The following TPST2 variants were observed in gnomAD, a reference collection of about 807,000 sequenced individuals.
The protein encoded by TPST2 is protein-tyrosine sulfotransferase 2.
In TPST2, 16 loss-of-function variants were observed where a neutral mutation model predicts 27.8. The ratio of observed to expected loss-of-function variants is 0.58; its 90% CI spans 0.39 to 0.88. The LOEUF (loss-of-function observed/expected upper bound fraction) is 0.88, where lower values mean the gene tolerates loss of function less well. Ranked by LOEUF, TPST2 falls within the 40% of genes least tolerant of loss-of-function variation. The pLI is 0.00. For missense variants in TPST2, 464 were observed against 543.1 expected (o/e 0.85, Z 1.45); for synonymous variants, 229 against 231.7 (o/e 0.99, Z 0.10).
rs559498487 is a variant in TPST2, at chr22:26,536,542, G to C, written c.843-56C>G. The C allele has an allele frequency of 9.5e-5, 133 of 1,397,782 alleles. 2 individuals carry two copies. In the South Asian group the frequency reaches 2.2e-3, roughly 23 times the overall value. The allele number at this position is 1,397,782 out of a possible 1,614,324, so 86.6% of individuals were successfully genotyped here. Reference sequence around the variant, plus strand: ...GGGCAGACCCAGATGGCGCCTGAGCGGATTCCCTGCTCAGCCACTCTGGGG... The same window carrying C: ...GGGCAGACCCAGATGGCGCCTGAGCCGATTCCCTGCTCAGCCACTCTGGGG... On this transcript the variant is annotated intron_variant, in intron 3 of 6. Transcript: ENST00000338754.
intron 5 of TPST2, 86 bp from the exon 6 acceptor site, chr22:26,528,348 G>T: frequency 7.0e-7 from 1 of 1,431,034 alleles, no homozygotes; most frequent in Non-Finnish European, 9.6e-7. Flanking sequence ...CAGCATCACT[G>T]AGTCATGCAC....
At chr22:26,573,246 G>T (rs953512730) in intron 1 of TPST2, among the ~76,000 whole-genome samples, 1 of 152,100 alleles carries the variant, frequency 6.6e-6, no homozygotes, top group Non-Finnish European at 1.5e-5. Flanking sequence ...GTCCAGGCTG[G>T]TCTCAAACTC....
At chr22:26,586,765 C>G (rs983507702) in intron 1 of TPST2, among the ~76,000 whole-genome samples, 1 of 152,192 alleles carries the variant, frequency 6.6e-6, no homozygotes, top group African/African-American at 2.4e-5. Context: ...CAGCAGAGTA[C>G]AGGTTCAAGC....
At chr22:26,547,030 G>A (rs1323900109) in intron 1 of TPST2, among the ~76,000 whole-genome samples, 1 of 152,110 alleles carries the variant, frequency 6.6e-6, no homozygotes, top group African/African-American at 2.4e-5. Context: ...TGTTCTGCTG[G>A]GCAGTGCTGA....
chr22:26,533,232 C>T (rs955840507), intron 4 of TPST2, among the ~76,000 whole-genome samples: 1 of 152,072 alleles, frequency 6.6e-6, no homozygotes, highest in African/African-American at 2.4e-5. Flanking sequence ...CTGGGAAACA[C>T]ACTGAAACCC....
Position 26,548,414 on chromosome 22 carries a change from T to C in TPST2, c.-160-3739A>G, listed in dbSNP as rs543569245. 1.1e-4 allele frequency among the ~76,000 whole-genome samples: 16 copies of C among 139,336 alleles called. No individual in the cohort carries two copies. The South Asian group carries it at 3.6e-3, about 31-fold the overall frequency. 91.4% of individuals were successfully genotyped at this position (139,336 alleles called of 152,430 possible). ...ACCCGCCTGATTGGGCTGATGTGAG[T>C]ATGAAACCAGGTAGGGCATGGGAAA... On this transcript the variant is annotated intron_variant, in intron 1 of 6. Transcript: ENST00000338754.
intron 4 of TPST2, 91 bp downstream of exon 4, chr22:26,536,197 T>C (rs750280520): frequency 1.4e-6 from 2 of 1,427,140 alleles, no homozygotes; most frequent in Non-Finnish European, 1.9e-6. Context: ...ATTGAGAGAC[T>C]GAACATTTCC....
At position 26,541,666 on chromosome 22, in the gene TPST2, C is replaced by A; in HGVS notation, c.-36G>T. 6.6e-7 allele frequency: 1 copy of A among 1,521,776 alleles called. No homozygotes were observed. Among genetic ancestry groups the A allele is most frequent in the Admixed American group, 2.1e-5 (1 of 48,152 alleles). 94.3% of individuals were successfully genotyped at this position (1,521,776 alleles called of 1,614,324 possible). On this transcript the variant is annotated 5_prime_UTR_variant, in exon 3 of 7. Transcript: ENST00000338754. This position sits in a 1 kb window ranked among gnomAD's most constrained non-coding sequence, Gnocchi z 5.9. The stretch of plus-strand genomic sequence containing the variant: ...AGGCAGGGTAGGCCTGGCCTGAGGG[C>A]CCGCTTCTGGGGCTTCAGCGACAGG...
chr22:26,560,606 T>G, intron 1 of TPST2: 1 of 1,229,724 alleles, frequency 8.1e-7, no homozygotes. Flanking sequence ...GGGAGGCGCA[T>G]AAGAAGAAGC....
Position 26,528,332 on chromosome 22 carries a change from AC to A in TPST2, c.1093-71del. 5.4e-6 allele frequency: 8 copies of A among 1,493,546 alleles called. No individual in the cohort carries two copies. In the Admixed American group the frequency reaches 7.9e-5, roughly 15 times the overall value. The allele number at this position is 1,493,546 out of a possible 1,614,324, so 92.5% of individuals were successfully genotyped here. ...GGGATGCCTTGCTGTATTGAGGGTCACCCCTCAGCATCACTGAGTCATGCAC... is the reference window on the plus strand; with the variant it reads ...GGGATGCCTTGCTGTATTGAGGGTCACCCTCAGCATCACTGAGTCATGCAC... On this transcript the variant is annotated intron_variant, in intron 5 of 6. Transcript: ENST00000338754.
Position 26,578,356 on chromosome 22 carries a change from T to C in TPST2, c.-161+11697A>G, listed in dbSNP as rs1352784307. Among the ~76,000 whole-genome samples the C allele has an allele frequency of 2.6e-5, 4 of 152,076 alleles. No homozygotes were observed. In the East Asian group the frequency reaches 7.7e-4, roughly 29 times the overall value. ...TTCTCTGACCAGCAGGAACAGCGCT[T>C]AGGAACCTACACAAAATGCAGATTA... On this transcript the variant is annotated intron_variant, in intron 1 of 6. Coordinates refer to ENST00000338754, the MANE Select transcript of TPST2 (RefSeq NM_003595.5).
chr22:26,549,117 TA>T (rs1926302792), intron 1 of TPST2, among the ~76,000 whole-genome samples: 1 of 152,164 alleles, frequency 6.6e-6, no homozygotes, highest in Non-Finnish European at 1.5e-5. Context: ...CTGGGAGGTA[TA>T]AATAAATTAG....
chr22:26,566,411 C>A (rs931883696), intron 1 of TPST2, among the ~76,000 whole-genome samples: 1 of 151,884 alleles, frequency 6.6e-6, no homozygotes, highest in East Asian at 1.9e-4. Flanking sequence ...ATCAGCCAGG[C>A]GTAGTGACAC....
intron 5 of TPST2, among the ~76,000 whole-genome samples, chr22:26,529,204 G>A (rs1925014918): frequency 6.6e-6 from 1 of 150,952 alleles, no homozygotes; most frequent in South Asian, 2.2e-4. Context: ...TTGGTTCACT[G>A]CAACCTCCGC....
chr22:26,563,141 C>T (rs1315920927), intron 1 of TPST2, among the ~76,000 whole-genome samples: 1 of 152,168 alleles, frequency 6.6e-6, no homozygotes, highest in East Asian at 1.9e-4. Flanking sequence ...CTTTCCGTGT[C>T]AGCATGTTTG....
rs578072759 is a variant in TPST2, at chr22:26,586,881, G to A, written c.-161+3172C>T. On this transcript the variant is annotated intron_variant, in intron 1 of 6. Coordinates refer to ENST00000338754, the MANE Select transcript of TPST2 (RefSeq NM_003595.5). ...CTCTTGCTGAAGCAAAGAGTGTGAAGGAAGAAACACAGGGTCCTAGGGGTG... is the reference window on the plus strand; with the variant it reads ...CTCTTGCTGAAGCAAAGAGTGTGAAAGAAGAAACACAGGGTCCTAGGGGTG... 8.9e-4 allele frequency among the ~76,000 whole-genome samples: 136 copies of A among 152,330 alleles called. No individual in the cohort carries two copies. The South Asian group carries it at 9.9e-3, about 11-fold the overall frequency.
chr22:26,523,200 A>AACAC lies in TPST2; in HGVS notation c.*3074_*3075insGTGT. 1 of 152,270 alleles carries AACAC rather than the reference A, an allele frequency of 6.6e-6. No individual in the cohort carries two copies. 9.4% of individuals were successfully genotyped at this position (152,270 alleles called of 1,614,324 possible). On this transcript the variant is annotated 3_prime_UTR_variant, in exon 7 of 7. Coordinates refer to ENST00000338754, the MANE Select transcript of TPST2 (RefSeq NM_003595.5). ...CGGGACTCTGTCTCCAAAACAAACA[A>AACAC]ACAAACAATCCTCCAGAGCAATCTG...
intron 5 of TPST2, among the ~76,000 whole-genome samples, chr22:26,532,484 T>G (rs1345600731): frequency 6.6e-6 from 1 of 152,182 alleles, no homozygotes; most frequent in Non-Finnish European, 1.5e-5. Flanking sequence ...TTTCACCGTT[T>G]TGGTCAGGCT....
At chr22:26,553,629 A>G (rs1162976234) in intron 1 of TPST2, among the ~76,000 whole-genome samples, 2 of 151,978 alleles carry the variant, frequency 1.3e-5, no homozygotes, top group Non-Finnish European at 2.9e-5. Flanking sequence ...AAGTGCTAGG[A>G]TTATAGGCAT....
Sources: allele counts gnomAD v4.1 joint callset (sites outside exome capture counted in the v4.1 genomes callset), GRCh38; gene constraint gnomAD v4.1.1; non-coding constraint Gnocchi (gnomAD v3.1); transcripts MANE v1.5; gene names NCBI Gene and HGNC (gene_info 2026-07-23, HGNC 2026-07-21).